PKHD1L1: variants seen among roughly 807,000 people sequenced by gnomAD.
The protein encoded by PKHD1L1 is PKHD1 like 1.
In PKHD1L1, 434 loss-of-function variants were observed where a neutral mutation model predicts 462.9. The observed-to-expected ratio is 0.94, with a 90% CI of 0.87 to 1.02. PKHD1L1 has a LOEUF of 1.02. Among genes scored for constraint, PKHD1L1 ranks in the 50% least tolerant of loss-of-function variants. The pLI is 0.00. For synonymous variants in PKHD1L1, 1,781 were observed against 1,750.0 expected (o/e 1.02, Z -0.44); for missense variants, 5,202 against 5,096.1 (o/e 1.02, Z -0.63).
chr8:109,467,762 T>C (rs943538766), intron 50 of PKHD1L1, among the ~76,000 whole-genome samples: 1 of 152,176 alleles, frequency 6.6e-6, no homozygotes, highest in Non-Finnish European at 1.5e-5. Flanking sequence ...CATTGATGAA[T>C]CAAAGATTTG....
At chr8:109,369,535 C>CA (rs1811391606) in intron 2 of PKHD1L1, among the ~76,000 whole-genome samples, 1 of 151,450 alleles carries the variant, frequency 6.6e-6, no homozygotes, top group Non-Finnish European at 1.5e-5. Context: ...CTTTTGTTGG[C>CA]ATTATTTTTC....
intron 46 of PKHD1L1, among the ~76,000 whole-genome samples, chr8:109,457,551 A>G (rs1288766913): frequency 6.6e-6 from 1 of 152,166 alleles, no homozygotes; most frequent in Non-Finnish European, 1.5e-5. Context: ...TGGTTAAGAA[A>G]ATGCCTTCAA....
intron 76 of PKHD1L1, among the ~76,000 whole-genome samples, chr8:109,526,269 T>C (rs907230683): frequency 2.0e-5 from 3 of 152,358 alleles, no homozygotes; most frequent in African/African-American, 7.2e-5. Context: ...TGAAACATGG[T>C]AAAAGTTTTT....
intron 71 of PKHD1L1, among the ~76,000 whole-genome samples, chr8:109,512,314 T>C (rs1820033974): frequency 2.0e-5 from 3 of 151,356 alleles, no homozygotes; most frequent in Admixed American, 2.0e-4. Flanking sequence ...TCTTCTAGGG[T>C]TTTTATGGTT....
chr8:109,500,540 C>A (rs56665214), intron 67 of PKHD1L1, among the ~76,000 whole-genome samples: 2,293 of 55,144 alleles, frequency 0.042, 113 homozygotes, highest in South Asian at 0.087. Flanking sequence ...AAAAAAAAAA[C>A]CTAGCTGGGC....
chr8:109,442,326 T>C, intron 35 of PKHD1L1, 131 bp downstream of exon 35: 1 of 873,838 alleles, frequency 1.1e-6, no homozygotes, highest in Non-Finnish European at 1.7e-6. Flanking sequence ...ATTTGGCATT[T>C]TATTGCTGCA....
chr8:109,431,548 G>A (rs1053562250), intron 27 of PKHD1L1, among the ~76,000 whole-genome samples: 7 of 151,702 alleles, frequency 4.6e-5, no homozygotes, highest in East Asian at 1.9e-4. Flanking sequence ...ACACACACAC[G>A]GTAATTTTGC....
rs1821153528 is a variant in PKHD1L1, at chr8:109,536,787, G to T, written c.*6697G>T. Among the ~76,000 whole-genome samples the T allele has an allele frequency of 6.6e-6, 1 of 152,038 alleles. No homozygotes were observed. Among genetic ancestry groups the T allele is most frequent in the African/African-American group, 2.4e-5 (1 of 41,376 alleles). On this transcript the variant is annotated 3_prime_UTR_variant, in exon 78 of 78. Transcript: ENST00000378402. ...AATCTTCCTGTATTTAGCAATAAAA[G>T]TTACTGCTAATTGTAATAACAATTA...
chr8:109,411,105 G>A (rs1430100769), intron 19 of PKHD1L1, among the ~76,000 whole-genome samples: 2 of 151,852 alleles, frequency 1.3e-5, no homozygotes, highest in Non-Finnish European at 2.9e-5. Flanking sequence ...TTTATGGTGG[G>A]GCATTATATG....
At chr8:109,407,786 C>T (rs1411472079) in intron 17 of PKHD1L1, among the ~76,000 whole-genome samples, 2 of 152,116 alleles carry the variant, frequency 1.3e-5, no homozygotes, top group East Asian at 3.8e-4. Flanking sequence ...GTCTATCTTA[C>T]AATACTTCCT....
chr8:109,469,029 A>T (rs767110499), intron 50 of PKHD1L1, among the ~76,000 whole-genome samples: 1 of 151,642 alleles, frequency 6.6e-6, no homozygotes, highest in East Asian at 1.9e-4. Context: ...CTCAAGATCA[A>T]TCAATCAGCT....
At chr8:109,415,166 C>A (rs1214938827) in intron 21 of PKHD1L1, among the ~76,000 whole-genome samples, 2 of 151,678 alleles carry the variant, frequency 1.3e-5, no homozygotes, top group Non-Finnish European at 1.5e-5. Flanking sequence ...CCACGCCCAG[C>A]TAATTTTTTT....
chr8:109,485,184 G>A lies in PKHD1L1; in HGVS notation c.9706+11G>A. On this transcript the variant is annotated intron_variant, in intron 58 of 77. Coordinates refer to ENST00000378402, the MANE Select transcript of PKHD1L1 (RefSeq NM_177531.6). ...CCTATACTCACTTTGGTAAGTGGATGCTTTTTAACCAAATAGATATATAAT... is the reference window on the plus strand; with the variant it reads ...CCTATACTCACTTTGGTAAGTGGATACTTTTTAACCAAATAGATATATAAT... 1.3e-6 allele frequency: 2 copies of A among 1,543,874 alleles called. No individual in the cohort carries two copies. The highest frequency in any genetic ancestry group is 1.8e-6 in the Non-Finnish European group (2 of 1,139,630).
chr8:109,418,283 C>G (rs1814287194), intron 21 of PKHD1L1, among the ~76,000 whole-genome samples: 1 of 151,788 alleles, frequency 6.6e-6, no homozygotes, highest in Non-Finnish European at 1.5e-5. Context: ...CGTTTGCATA[C>G]AATTTGCTAA....
rs1006879646 is a variant in PKHD1L1, at chr8:109,490,501, G to A, written c.9984+446G>A. On this transcript the variant is annotated intron_variant, in intron 60 of 77. Coordinates refer to ENST00000378402, the MANE Select transcript of PKHD1L1 (RefSeq NM_177531.6). Reference sequence around the variant, plus strand: ...AAAATGAGAGACAGCATATTTCTTAGTAGAAATACAAAATAATCTGTAGGT... The same window carrying A: ...AAAATGAGAGACAGCATATTTCTTAATAGAAATACAAAATAATCTGTAGGT... Among the ~76,000 whole-genome samples, 8 of 151,814 alleles carry A rather than the reference G, an allele frequency of 5.3e-5. No homozygotes were observed. In the East Asian group the frequency reaches 1.6e-3, roughly 29 times the overall value.
In PKHD1L1 at chr8:109,394,439, T is replaced by G. The variant is rs1563733267; in HGVS notation, c.765T>G (p.Tyr255Ter). ...YGRSFPQKMA[Y>*]FVSSLNKIAM... is the part of the protein sequence containing the mutation. Reference sequence around the variant, plus strand: ...GGAGTTTTCCACAGAAAATGGCATATTTTGTTTCTTCTCTCAATAAAATTG... The same window carrying G: ...GGAGTTTTCCACAGAAAATGGCATAGTTTGTTTCTTCTCTCAATAAAATTG... The change falls in exon 10 of 78, where the codon TAT becomes TAG. Residue 255 changes from tyrosine to a stop codon, truncating the protein, a stop_gained. Transcript: ENST00000378402. LOFTEE classifies it high-confidence loss of function. The G allele has an allele frequency of 1.3e-6, 2 of 1,526,996 alleles. No individual in the cohort carries two copies. Among genetic ancestry groups the G allele is most frequent in the South Asian group, 1.2e-5 (1 of 80,478 alleles). The allele number at this position is 1,526,996 out of a possible 1,614,324, so 94.6% of individuals were successfully genotyped here. A position where few individuals can be genotyped will look rare whatever the true frequency, so the allele number is the denominator to read the frequency against.
At chr8:109,428,405 A>G (rs1260077899) in intron 25 of PKHD1L1, among the ~76,000 whole-genome samples, 1 of 152,208 alleles carries the variant, frequency 6.6e-6, no homozygotes, top group Non-Finnish European at 1.5e-5. Context: ...TTAAAGTGGA[A>G]AAAAATGCAG....
intron 57 of PKHD1L1, 143 bp downstream of exon 57, chr8:109,483,248 A>T (rs1586601527): frequency 1.8e-6 from 1 of 564,356 alleles, no homozygotes; most frequent in South Asian, 3.4e-5. Flanking sequence ...GCTTGCAAAA[A>T]TGTATCCGAT....
At chr8:109,403,825 G>A (rs1346203042) in intron 14 of PKHD1L1, among the ~76,000 whole-genome samples, 1 of 152,150 alleles carries the variant, frequency 6.6e-6, no homozygotes, top group African/African-American at 2.4e-5. Context: ...ATTTAGGGAA[G>A]CTCCCAGCTG....
Sources: gnomAD v4.1 joint callset for allele counts (sites outside exome capture counted in the v4.1 genomes callset) on GRCh38, gnomAD v4.1.1 for gene constraint, MANE v1.5 for transcripts, NCBI Gene and HGNC (gene_info 2026-07-23, HGNC 2026-07-21) for gene names.